The following OCA2 variants were observed in gnomAD, a reference collection of about 807,000 sequenced individuals.
The protein encoded by OCA2 is OCA2 melanosomal transmembrane protein.
A neutral mutation model predicts 100.2 loss-of-function variants in OCA2; 77 were observed. The ratio of observed to expected loss-of-function variants is 0.77; its 90% CI spans 0.64 to 0.93. The LOEUF (loss-of-function observed/expected upper bound fraction) is 0.93, where lower values mean the gene tolerates loss of function less well. Ranked by LOEUF, OCA2 falls within the 40% of genes least tolerant of loss-of-function variation. The probability of loss-of-function intolerance (pLI) is 0.00; values close to 1 mark genes in which losing one functional copy is unlikely to be tolerated. For missense variants in OCA2, 1,062 were observed against 1,089.1 expected, an observed-to-expected ratio of 0.98 and a Z score of 0.35; for synonymous variants, 432 against 439.2, an observed-to-expected ratio of 0.98 and a Z score of 0.21.
intron 8 of OCA2, 135 bp from the exon 9 acceptor site, chr15:28,015,064 A>T: frequency 1.1e-6 from 1 of 945,626 alleles, no homozygotes; most frequent in Non-Finnish European, 1.6e-6. Flanking sequence ...CTGGAAGAGC[A>T]GTGAGCACAG....
At chr15:27,989,108 G>GT (rs1472956045) in intron 11 of OCA2, among the ~76,000 whole-genome samples, 1 of 152,132 alleles carries the variant, frequency 6.6e-6, no homozygotes, top group Non-Finnish European at 1.5e-5. Flanking sequence ...ACTCACACTA[G>GT]TGAGTCCCAC....
intron 9 of OCA2, among the ~76,000 whole-genome samples, chr15:28,009,108 C>T (rs2042166245): frequency 1.3e-5 from 2 of 152,218 alleles, no homozygotes; most frequent in African/African-American, 2.4e-5. Context: ...GCCCTCCCCT[C>T]ATAATGTGGA....
In OCA2 at chr15:27,989,610, C is replaced by T. The variant is rs769087204; in HGVS notation, c.1173G>A (p.Leu391=). 1.2e-6 allele frequency: 2 copies of T among 1,614,054 alleles called. No individual in the cohort carries two copies. Among genetic ancestry groups the T allele is most frequent in the Non-Finnish European group, 1.7e-6 (2 of 1,179,924 alleles). Residue 391 remains leucine, a synonymous_variant, in exon 11 of 24, where the codon CTG becomes CTA. Transcript: ENST00000354638. The part of the protein sequence containing the change: ...EWIDFETLAL[L]FGMMILVAIF... ...GGAGAGCTGTAATTACCATGCCAAA[C>T]AGCAGGGCCAGCGTCTCAAAATCAA...
chr15:27,832,830 A>ATTTTTTTTTT (rs112415796), intron 23 of OCA2, among the ~76,000 whole-genome samples: 2 of 135,746 alleles, frequency 1.5e-5, no homozygotes. Context: ...TAAATATCTG[A>ATTTTTTTTTT]TTTTTTTTTT....
chr15:28,070,593 C>T (rs1249726180), intron 2 of OCA2, among the ~76,000 whole-genome samples: 4 of 147,440 alleles, frequency 2.7e-5, no homozygotes, highest in Non-Finnish European at 4.5e-5. Flanking sequence ...TGAGGGGCGC[C>T]TCTGCCCGGC....
chr15:27,961,128 A>G (rs1219836320), intron 15 of OCA2, among the ~76,000 whole-genome samples: 1 of 152,198 alleles, frequency 6.6e-6, no homozygotes, highest in African/African-American at 2.4e-5. Context: ...CCCATCAAAA[A>G]GTGGGCAAAG....
intron 19 of OCA2, among the ~76,000 whole-genome samples, chr15:27,910,553 T>C (rs756755284): frequency 2.6e-5 from 4 of 152,114 alleles, no homozygotes; most frequent in Non-Finnish European, 4.4e-5. Context: ...AGACATAACA[T>C]TAAGCTTATA....
At chr15:27,884,039 T>C (rs2037126938) in intron 19 of OCA2, among the ~76,000 whole-genome samples, 2 of 152,182 alleles carry the variant, frequency 1.3e-5, no homozygotes, top group Admixed American at 1.3e-4. Context: ...AGAAAGACTA[T>C]CAAAATTAGT....
At chr15:27,974,628 C>T (rs1310754988) in intron 14 of OCA2, among the ~76,000 whole-genome samples, 2 of 152,052 alleles carry the variant, frequency 1.3e-5, no homozygotes, top group South Asian at 2.1e-4. Context: ...ATTAGCCAGG[C>T]GTGGTGGTAT....
chr15:27,990,749 A>G (rs2041530100), intron 9 of OCA2, 102 bp from the exon 10 acceptor site: 1 of 957,112 alleles, frequency 1.0e-6, no homozygotes, highest in Non-Finnish European at 1.7e-6. Context: ...GCCACTGTGT[A>G]CCACATCTAT....
chr15:27,798,518 T>C (rs1345876815), intron 23 of OCA2, among the ~76,000 whole-genome samples: 1 of 152,336 alleles, frequency 6.6e-6, no homozygotes, highest in Admixed American at 6.5e-5. Flanking sequence ...TTCAGAAGAC[T>C]GAGACATCCT....
chr15:28,070,011 G>A (rs1366582978), intron 2 of OCA2, among the ~76,000 whole-genome samples: 2 of 111,670 alleles, frequency 1.8e-5, no homozygotes, highest in Non-Finnish European at 1.6e-5. Context: ...GTCTCTGCCC[G>A]GCCACCCATC....
chr15:28,041,271 T>C (rs913788738), intron 2 of OCA2, among the ~76,000 whole-genome samples: 21 of 151,070 alleles, frequency 1.4e-4, no homozygotes, highest in African/African-American at 4.6e-4. Context: ...CGTGAGCATC[T>C]CAACTGATGC....
At chr15:28,001,368 G>T (rs1362826222) in intron 9 of OCA2, among the ~76,000 whole-genome samples, 1 of 152,120 alleles carries the variant, frequency 6.6e-6, no homozygotes. Context: ...AATGCTAAGT[G>T]AAATAAGTGA....
intron 9 of OCA2, among the ~76,000 whole-genome samples, chr15:27,999,313 C>A (rs867805231): frequency 1.2e-4 from 18 of 152,190 alleles, no homozygotes; most frequent in Middle Eastern, 3.4e-3. Flanking sequence ...GTTCAACATA[C>A]GCAAATCAAT....
At chr15:27,965,226 G>T (rs1049316162) in intron 15 of OCA2, among the ~76,000 whole-genome samples, 1 of 152,148 alleles carries the variant, frequency 6.6e-6, no homozygotes, top group African/African-American at 2.4e-5. Context: ...CACGATCACA[G>T]TCTCCTTCAC....
At chr15:27,996,988 CA>C (rs1212835365) in intron 9 of OCA2, among the ~76,000 whole-genome samples, 2 of 58,646 alleles carry the variant, frequency 3.4e-5, no homozygotes. Flanking sequence ...AAGGACACAA[CA>C]AAAAAAAAGA....
chr15:27,931,336 T>C (rs1204825771), intron 18 of OCA2, among the ~76,000 whole-genome samples: 1 of 152,194 alleles, frequency 6.6e-6, no homozygotes, highest in African/African-American at 2.4e-5. Flanking sequence ...TATTTATTTT[T>C]CTTTTTAATT....
intron 2 of OCA2, among the ~76,000 whole-genome samples, chr15:28,069,395 TCCCCCTCCCCTTCCCCC>T (rs2044137188): frequency 2.2e-4 from 1 of 4,596 alleles, no homozygotes; most frequent in Non-Finnish European, 3.3e-4. Context: ...CCCCTCCCCC[TCCCCCTCCCCTTCCCCC>T]TCCCCCTCCC....
Sources: allele counts gnomAD v4.1 joint callset (sites outside exome capture counted in the v4.1 genomes callset), GRCh38; gene constraint gnomAD v4.1.1; transcripts MANE v1.5; gene names NCBI Gene and HGNC (gene_info 2026-07-23, HGNC 2026-07-21).